ARMC7: variants seen among roughly 807,000 people sequenced by gnomAD.
ARMC7 encodes the protein armadillo repeat containing 7.
Under a neutral mutation model 14.8 loss-of-function variants are expected in ARMC7, and 9 were observed. The observed-to-expected ratio is 0.61, with a 90% CI of 0.37 to 1.06. ARMC7 has a LOEUF of 1.06. Among genes scored for constraint, ARMC7 ranks in the 50% least tolerant of loss-of-function variants. The pLI is 0.01. For missense variants in ARMC7, 262 were observed against 267.1 expected (o/e 0.98, Z 0.13); for synonymous variants, 125 against 123.4 (o/e 1.01, Z -0.09).
chr17:75,114,329 T>C, intron 2 of ARMC7: 1 of 399,738 alleles, frequency 2.5e-6, no homozygotes, highest in Non-Finnish European at 4.4e-6. Flanking sequence ...AAGTGGAGTC[T>C]TTCCTGCTGG....
chr17:75,110,838 C>T (rs947730527), intron 2 of ARMC7, among the ~76,000 whole-genome samples: 3 of 151,754 alleles, frequency 2.0e-5, no homozygotes, highest in Non-Finnish European at 4.4e-5. Flanking sequence ...GCCTGTAATC[C>T]CAGCTACTAG....
chr17:75,110,639 A>G, intron 2 of ARMC7, 33 bp downstream of exon 2: 2 of 1,612,824 alleles, frequency 1.2e-6, no homozygotes, highest in Non-Finnish European at 1.7e-6. Context: ...AGATGCCTAA[A>G]TGGGCCAGGG....
chr17:75,119,531 C>A (rs1453614643), intron 2 of ARMC7, among the ~76,000 whole-genome samples: 1 of 149,336 alleles, frequency 6.7e-6, no homozygotes, highest in Non-Finnish European at 1.5e-5. Context: ...TCACTGCAAG[C>A]TCCGCCTCCC....
chr17:75,111,751 A>C (rs1199283929), intron 2 of ARMC7, among the ~76,000 whole-genome samples: 2 of 151,260 alleles, frequency 1.3e-5, no homozygotes, highest in African/African-American at 4.9e-5. Context: ...AACAAAAATA[A>C]CTCATATTTA....
At chr17:75,117,147 T>G (rs1227759226) in intron 2 of ARMC7, among the ~76,000 whole-genome samples, 5 of 152,154 alleles carry the variant, frequency 3.3e-5, no homozygotes, top group Admixed American at 6.6e-5. Flanking sequence ...TGCAATCTCG[T>G]CTCACTGCAA....
chr17:75,122,305 G>A (rs1247126896), intron 2 of ARMC7, among the ~76,000 whole-genome samples: 2 of 151,736 alleles, frequency 1.3e-5, no homozygotes, highest in Admixed American at 6.6e-5. Flanking sequence ...CAGCCTGGGC[G>A]ACAGAGCAAA....
Position 75,128,912 on chromosome 17 carries a change from G to A in ARMC7, c.471G>A (p.Arg157=). ...CCCTCTCGGCCAGCGCCAGGCTCCG[G>A]AACCTGGCACAGATCTTCCTGGAGG... ...RFSLSASARL[R]NLAQIFLEDF... Residue 157 remains arginine, a synonymous_variant, in exon 3 of 3, where the codon CGG becomes CGA. Transcript: ENST00000245543. 6.2e-7 allele frequency: 1 copy of A among 1,609,692 alleles called. No individual in the cohort carries two copies. The highest frequency in any genetic ancestry group is 1.1e-5 in the South Asian group (1 of 91,022).
intron 2 of ARMC7, among the ~76,000 whole-genome samples, chr17:75,124,734 A>AG (rs1399803668): frequency 1.3e-5 from 2 of 151,592 alleles, no homozygotes; most frequent in African/African-American, 2.4e-5. Flanking sequence ...GGGAGGGCCG[A>AG]GGGGCAGAAG....
intron 2 of ARMC7, among the ~76,000 whole-genome samples, chr17:75,117,047 G>A (rs990507214): frequency 1.3e-5 from 2 of 152,142 alleles, no homozygotes; most frequent in African/African-American, 4.8e-5. Context: ...GACAAAAATC[G>A]CAGTGAGAAA....
intron 2 of ARMC7, among the ~76,000 whole-genome samples, chr17:75,127,592 T>A (rs759803055): frequency 6.6e-6 from 1 of 152,080 alleles, no homozygotes; most frequent in Non-Finnish European, 1.5e-5. Flanking sequence ...GAGCCACCGC[T>A]CCCAGCCATT....
Position 75,113,710 on chromosome 17 carries a change from C to G in ARMC7, c.235+3104C>G, listed in dbSNP as rs192270753. 2.0e-5 allele frequency among the ~76,000 whole-genome samples: 3 copies of G among 152,322 alleles called. No homozygotes were observed. The East Asian group carries it at 5.8e-4, about 29-fold the overall frequency. ...TTTTCAAAGACCATCCAGGTCTCCT[C>G]TAAAGAGGAGAGGAGATTCCTGGGG... On this transcript the variant is annotated intron_variant, in intron 2 of 2. Transcript: ENST00000245543.
rs1467744623 is a variant in ARMC7, at chr17:75,130,061, C to G, written c.*1023C>G. 1 of 172,450 alleles carries G rather than the reference C, an allele frequency of 5.8e-6. No homozygotes were observed. The highest frequency in any genetic ancestry group is 1.2e-4 in the South Asian group (1 of 8,136). The allele number at this position is 172,450 out of a possible 1,614,324, so 10.7% of individuals were successfully genotyped here. A position where few individuals can be genotyped will look rare whatever the true frequency, so the allele number is the denominator to read the frequency against. The stretch of plus-strand genomic sequence containing the variant: ...TCTCGTGTACCCCCTCAAGGCTGAC[C>G]CCTTAGATGGCCCAGGAATGGCAGG... On this transcript the variant is annotated 3_prime_UTR_variant, in exon 3 of 3. Transcript: ENST00000245543.
At chr17:75,120,630 C>T (rs1253534658) in intron 2 of ARMC7, among the ~76,000 whole-genome samples, 3 of 151,790 alleles carry the variant, frequency 2.0e-5, no homozygotes, top group African/African-American at 7.3e-5. Flanking sequence ...CTGGCTAATA[C>T]GGTGAAACCC....
At chr17:75,128,131 G>C (rs2074065389) in intron 2 of ARMC7, among the ~76,000 whole-genome samples, 1 of 152,074 alleles carries the variant, frequency 6.6e-6, no homozygotes, top group Non-Finnish European at 1.5e-5. Context: ...CTGGAGTGCA[G>C]TGATGCAATC....
chr17:75,110,256 G>A lies in ARMC7; in HGVS notation c.-33G>A. On this transcript the variant is annotated 5_prime_UTR_variant, in exon 1 of 3. Transcript: ENST00000245543. ...CCCCCTGCACCTTTCCCACCCTCCCGCCCGTCCCTGGGGGTCCTCCGTCAC... is the reference window on the plus strand; with the variant it reads ...CCCCCTGCACCTTTCCCACCCTCCCACCCGTCCCTGGGGGTCCTCCGTCAC... The A allele has an allele frequency of 6.5e-7, 1 of 1,550,004 alleles. No homozygotes were observed. Among genetic ancestry groups the A allele is most frequent in the South Asian group, 1.2e-5 (1 of 82,472 alleles).
In ARMC7 at chr17:75,120,641, C is replaced by T. The variant is rs537006687; in HGVS notation, c.236-8036C>T. On this transcript the variant is annotated intron_variant, in intron 2 of 2. Coordinates refer to ENST00000245543, the MANE Select transcript of ARMC7 (RefSeq NM_024585.4). ...CATCCTGGCTAATACGGTGAAACCC[C>T]ATCTCTACTAAAAATACAAAAAATT... 1.7e-4 allele frequency among the ~76,000 whole-genome samples: 26 copies of T among 151,886 alleles called. No individual in the cohort carries two copies. The South Asian group carries it at 5.2e-3, about 30-fold the overall frequency.
intron 2 of ARMC7, among the ~76,000 whole-genome samples, chr17:75,117,706 G>A (rs563238509): frequency 1.3e-5 from 2 of 152,294 alleles, no homozygotes; most frequent in East Asian, 3.9e-4. Context: ...AGGCCCCTCA[G>A]GGAGTCTAAA....
chr17:75,128,336 G>A (rs1187623982), intron 2 of ARMC7, among the ~76,000 whole-genome samples: 1 of 152,136 alleles, frequency 6.6e-6, no homozygotes, highest in African/African-American at 2.4e-5. Context: ...GCCTTCCAAA[G>A]TGCTGGGATT....
At chr17:75,112,021 A>G (rs2073927381) in intron 2 of ARMC7, among the ~76,000 whole-genome samples, 1 of 151,398 alleles carries the variant, frequency 6.6e-6, no homozygotes, top group Non-Finnish European at 1.5e-5. Flanking sequence ...AAGGAAGTAA[A>G]TGGGGTGATG....
Sources: allele counts gnomAD v4.1 joint callset (sites outside exome capture counted in the v4.1 genomes callset), GRCh38; gene constraint gnomAD v4.1.1; transcripts MANE v1.5; gene names NCBI Gene and HGNC (gene_info 2026-07-23, HGNC 2026-07-21).